Variants in GNAQ observed in about 807,000 individuals in gnomAD.
GNAQ encodes the protein G protein subunit alpha q.
In GNAQ, 8 loss-of-function variants were observed where a neutral mutation model predicts 43.9. The ratio of observed to expected loss-of-function variants is 0.18; its 90% confidence interval spans 0.11 to 0.33. The LOEUF is 0.33. GNAQ is among the 10% of genes least tolerant of loss of function. GNAQ has a pLI of 1.00. For missense variants in GNAQ, 158 were observed against 450.8 expected (o/e 0.35, Z 5.88); for synonymous variants, 155 against 170.7 (o/e 0.91, Z 0.71).
intron 5 of GNAQ, among the ~76,000 whole-genome samples, chr9:77,755,551 T>C (rs551293231): frequency 1.3e-5 from 2 of 152,324 alleles, no homozygotes; most frequent in Admixed American, 6.5e-5. Flanking sequence ...ATTTCCTCCT[T>C]ATTTTGGTAA....
At chr9:77,863,220 G>GGAAGGAAGGAAGGA (rs1564133751) in intron 2 of GNAQ, among the ~76,000 whole-genome samples, 53 of 34,334 alleles carry the variant, frequency 1.5e-3, no homozygotes, top group South Asian at 5.1e-3. Context: ...GGAAGGAAGG[G>GGAAGGAAGGAAGGA]AGGAAGGAAG....
intron 2 of GNAQ, among the ~76,000 whole-genome samples, chr9:77,915,977 G>A (rs1167423009): frequency 2.0e-5 from 3 of 152,142 alleles, no homozygotes; most frequent in African/African-American, 7.2e-5. Context: ...GCCTTCCCCT[G>A]TCTAAAGACT....
intron 1 of GNAQ, among the ~76,000 whole-genome samples, chr9:77,922,695 T>A (rs1356924968): frequency 6.6e-6 from 1 of 152,212 alleles, no homozygotes; most frequent in African/African-American, 2.4e-5. Context: ...CTCTGTTCCC[T>A]GGAGAATATC....
intron 5 of GNAQ, among the ~76,000 whole-genome samples, chr9:77,761,845 A>G (rs1587904076): frequency 2.5e-5 from 1 of 40,518 alleles, no homozygotes; most frequent in Non-Finnish European, 5.9e-5. Flanking sequence ...TCCGGGAGGG[A>G]GGTGGGGGGG....
intron 3 of GNAQ, among the ~76,000 whole-genome samples, chr9:77,800,476 A>G (rs1826724921): frequency 6.6e-6 from 1 of 152,056 alleles, no homozygotes; most frequent in East Asian, 1.9e-4. Flanking sequence ...CGCAAGAACA[A>G]AAAACCAAAC....
chr9:77,965,417 GAATA>G (rs1039205496), intron 1 of GNAQ, among the ~76,000 whole-genome samples: 43 of 151,858 alleles, frequency 2.8e-4, no homozygotes, highest in Admixed American at 1.4e-3. Context: ...GACACTGAAA[GAATA>G]AAAAGACAAA....
chr9:78,026,831 T>C (rs969356329), intron 1 of GNAQ, among the ~76,000 whole-genome samples: 2 of 152,234 alleles, frequency 1.3e-5, no homozygotes, highest in African/African-American at 2.4e-5. Flanking sequence ...ATATCCTTCA[T>C]ATTAAAAATG....
intron 2 of GNAQ, among the ~76,000 whole-genome samples, chr9:77,890,062 G>A (rs954495841): frequency 2.0e-5 from 3 of 152,032 alleles, no homozygotes; most frequent in African/African-American, 4.8e-5. Flanking sequence ...AAATAGACAT[G>A]GGTTTGTAAG....
chr9:77,786,883 T>TATTC (rs1293735375), intron 5 of GNAQ, among the ~76,000 whole-genome samples: 3 of 152,184 alleles, frequency 2.0e-5, no homozygotes, highest in Non-Finnish European at 4.4e-5. Context: ...CACAACTGAG[T>TATTC]ATTCACATCA....
chr9:77,909,371 A>G (rs768747133), intron 2 of GNAQ, among the ~76,000 whole-genome samples: 8 of 152,190 alleles, frequency 5.3e-5, no homozygotes, highest in Non-Finnish European at 1.0e-4. Flanking sequence ...TCAAGAGAAG[A>G]AAGACTAGGC....
chr9:77,940,754 T>G (rs1185441577), intron 1 of GNAQ, among the ~76,000 whole-genome samples: 1 of 151,952 alleles, frequency 6.6e-6, no homozygotes, highest in East Asian at 1.9e-4. Context: ...GATCACGAGG[T>G]CAGGAGATCG....
chr9:77,889,588 T>C (rs184133843), intron 2 of GNAQ, among the ~76,000 whole-genome samples: 1 of 152,262 alleles, frequency 6.6e-6, no homozygotes, highest in Non-Finnish European at 1.5e-5. Context: ...ATTGGACACA[T>C]GTTGATCCTT....
At chr9:77,744,692 C>T (rs1219031037) in intron 5 of GNAQ, among the ~76,000 whole-genome samples, 1 of 152,036 alleles carries the variant, frequency 6.6e-6, no homozygotes. Context: ...AATATAATGA[C>T]TTGTAAGAAT....
At chr9:77,721,548 C>A in intron 6 of GNAQ, 35 bp from the exon 7 acceptor site, 2 of 1,260,884 alleles carry the variant, frequency 1.6e-6, no homozygotes, top group Non-Finnish European at 2.3e-6. Context: ...CACTTTGTTA[C>A]CTAATCTGCT....
In GNAQ at chr9:78,017,341, T is replaced by C. The variant is rs551461076; in HGVS notation, c.136+13759A>G. Among the ~76,000 whole-genome samples the C allele has an allele frequency of 1.4e-3, 207 of 152,346 alleles. 1 individual carries two copies. Among genetic ancestry groups the C allele is most frequent in the Non-Finnish European group, 2.6e-3 (179 of 68,036 alleles). On this transcript the variant is annotated intron_variant, in intron 1 of 6. Transcript: ENST00000286548. ...GTACAAACTAGCTGCATCACAGCACTGTATGATTCAAAATGCACGGAGGAA... is the reference window on the plus strand; with the variant it reads ...GTACAAACTAGCTGCATCACAGCACCGTATGATTCAAAATGCACGGAGGAA...
At chr9:77,767,181 T>C (rs1262318043) in intron 5 of GNAQ, among the ~76,000 whole-genome samples, 2 of 152,106 alleles carry the variant, frequency 1.3e-5, no homozygotes, top group Non-Finnish European at 2.9e-5. Flanking sequence ...ATGGCGGCCC[T>C]CTAGGTTCCC....
At chr9:77,904,584 G>A (rs199907309) in intron 2 of GNAQ, among the ~76,000 whole-genome samples, 4 of 151,822 alleles carry the variant, frequency 2.6e-5, no homozygotes, top group African/African-American at 4.8e-5. Flanking sequence ...TGCCCGCCTC[G>A]GCCTCCCAAA....
At chr9:77,987,611 C>A (rs1037211487) in intron 1 of GNAQ, among the ~76,000 whole-genome samples, 1 of 152,108 alleles carries the variant, frequency 6.6e-6, no homozygotes, top group Admixed American at 6.5e-5. Context: ...TCATCCGGTC[C>A]GCAATATTTA....
chr9:77,948,518 G>C (rs372567063), intron 1 of GNAQ, among the ~76,000 whole-genome samples: 13 of 152,294 alleles, frequency 8.5e-5, no homozygotes, highest in South Asian at 4.1e-4. Flanking sequence ...GGACACAGAG[G>C]GGGGGCAGAT....
Sources: gnomAD v4.1 joint callset for allele counts (sites outside exome capture counted in the v4.1 genomes callset) on GRCh38, gnomAD v4.1.1 for gene constraint, MANE v1.5 for transcripts, NCBI Gene and HGNC (gene_info 2026-07-23, HGNC 2026-07-21) for gene names.